The following CBY1 variants were observed in gnomAD, a reference collection of about 807,000 sequenced individuals.
CBY1 encodes protein chibby homolog 1.
A neutral mutation model predicts 15.6 loss-of-function variants in CBY1; 10 were observed. That is an observed-to-expected ratio of 0.64 (90% confidence interval 0.40 to 1.09). The LOEUF is 1.09. Ranked by LOEUF, CBY1 falls within the 50% of genes least tolerant of loss-of-function variation. The pLI, the probability that CBY1 is intolerant of heterozygous loss-of-function variation, is 0.01. For missense variants in CBY1, 150 were observed against 160.5 expected, an observed-to-expected ratio of 0.93 and a Z score of 0.35; for synonymous variants, 61 against 63.5, an observed-to-expected ratio of 0.96 and a Z score of 0.19.
rs115136398 is a variant in CBY1, at chr22:38,672,647, G to A, written c.304-512G>A. Among the ~76,000 whole-genome samples, 343 of 151,990 alleles carry A rather than the reference G, an allele frequency of 2.3e-3. 2 individuals are homozygous for A. Among genetic ancestry groups the A allele is most frequent in the African/African-American group, 8.2e-3 (338 of 41,456 alleles). On this transcript the variant is annotated intron_variant, in intron 4 of 4. Transcript: ENST00000216029. ...TTTTTTTTTAAAAATGAGCATAATC[G>A]TAGTATCTACCTCATAGTGAGTTAG...
chr22:38,666,279 TA>T (rs2145783490), intron 1 of CBY1, among the ~76,000 whole-genome samples: 1 of 148,884 alleles, frequency 6.7e-6, no homozygotes, highest in East Asian at 2.0e-4. Flanking sequence ...CGGGCCCTGC[TA>T]AGTTGCCCAG....
In CBY1 at chr22:38,671,176, C is replaced by G. The variant is rs1418370161; in HGVS notation, c.291C>G (p.Ile97Met). 6.2e-7 allele frequency: 1 copy of G among 1,611,874 alleles called. No homozygotes were observed. Residue 97 changes from isoleucine to methionine, a missense_variant, in exon 4 of 5, where the codon ATC becomes ATG. By Grantham distance (10) the Ile-to-Met change is conservative. Transcript: ENST00000216029. ...ATCTCTTGCGGCTGAAAGTGGACAT[C>G]TTATTAGACATGGTGAGGCAGGTGA... is the stretch of plus-strand genomic sequence containing the variant. ...ENNLLRLKVD[I>M]LLDMLSESTA...
chr22:38,673,077 T>A lies in CBY1; in HGVS notation c.304-82T>A, dbSNP rs542265933. On this transcript the variant is annotated intron_variant, in intron 4 of 4. Coordinates refer to ENST00000216029, the MANE Select transcript of CBY1 (RefSeq NM_015373.4). ...CAGAGAAGTGGCAGGGGGCCTTTCC[T>A]CCGTGTGTAGGGCCGGCCTTGCTAA... The A allele has an allele frequency of 1.1e-4, 100 of 920,896 alleles. No individual in the cohort carries two copies. In the South Asian group the frequency reaches 1.4e-3, roughly 12 times the overall value. 57.0% of individuals were successfully genotyped at this position (920,896 alleles called of 1,614,324 possible). A position where few individuals can be genotyped will look rare whatever the true frequency, so the allele number is the denominator to read the frequency against.
intron 1 of CBY1, among the ~76,000 whole-genome samples, chr22:38,662,092 A>G (rs1268348715): frequency 6.6e-6 from 1 of 152,180 alleles, no homozygotes; most frequent in African/African-American, 2.4e-5. Flanking sequence ...GCTTGAGCTC[A>G]GGAGTTCGTG....
In CBY1 at chr22:38,670,923, T is replaced by C; in HGVS notation, c.118T>C (p.Tyr40His). The change falls in exon 3 of 5, where the codon TAC becomes CAC. Residue 40 changes from tyrosine (Y) to histidine (H), a missense_variant. Transcript: ENST00000216029. ...STREVELGLE[Y>H]GSPTMNLAGQ... ...CCGGGAGGTGGAGCTGGGCTTGGAA[T>C]ACGGATCCCCGACTATGAACCTGGC... 6.2e-7 allele frequency: 1 copy of C among 1,614,220 alleles called. No homozygotes were observed. Among genetic ancestry groups the C allele is most frequent in the Non-Finnish European group, 8.5e-7 (1 of 1,180,040 alleles).
At chr22:38,670,671 A>AGCTTTT in intron 2 of CBY1, 1 of 511,986 alleles carries the variant, frequency 2.0e-6, no homozygotes, top group Non-Finnish European at 3.5e-6. Context: ...GCTTTTCTGG[A>AGCTTTT]AAACATCTAA....
chr22:38,662,664 G>GT (rs2145780226), intron 1 of CBY1, among the ~76,000 whole-genome samples: 2 of 152,066 alleles, frequency 1.3e-5, no homozygotes, highest in African/African-American at 4.8e-5. Context: ...CTAATTTTTT[G>GT]TATCTTTGGT....
At position 38,671,116 on chromosome 22, in the gene CBY1, T is replaced by C; in HGVS notation, c.231T>C (p.Leu77=). The C allele has an allele frequency of 6.2e-7, 1 of 1,614,242 alleles. No individual in the cohort carries two copies. The highest frequency in any genetic ancestry group is 1.6e-4 in the Middle Eastern group (1 of 6,062). ...GGVDRREVQR[L]RRRNQQLEEE... The stretch of plus-strand genomic sequence containing the variant: ...TGGACCGGAGGGAGGTTCAGCGCCT[T>C]CGCAGGCGGAACCAGCAGTTGGAGG... Residue 77 remains leucine (L), a synonymous_variant, in exon 4 of 5, where the codon CTT becomes CTC. Coordinates refer to ENST00000216029, the MANE Select transcript of CBY1 (RefSeq NM_015373.4).
At chr22:38,661,689 G>T (rs1296313928) in intron 1 of CBY1, among the ~76,000 whole-genome samples, 1 of 151,856 alleles carries the variant, frequency 6.6e-6, no homozygotes, top group Non-Finnish European at 1.5e-5. Flanking sequence ...GTTCTCATTG[G>T]ATACATATCT....
At chr22:38,670,657 T>C (rs1447389487) in intron 2 of CBY1, 3 of 487,224 alleles carry the variant, frequency 6.2e-6, no homozygotes, top group Non-Finnish European at 7.4e-6. Context: ...TTTCAGTATA[T>C]ATAGCTTTTC....
In CBY1 at chr22:38,664,173, A is replaced by T. The variant is rs575752191; in HGVS notation, c.-38-3844A>T. Among the ~76,000 whole-genome samples, 6 of 152,114 alleles carry T rather than the reference A, an allele frequency of 3.9e-5. No individual in the cohort carries two copies. In the East Asian group the frequency reaches 5.8e-4, roughly 15 times the overall value. On this transcript the variant is annotated intron_variant, in intron 1 of 4. Transcript: ENST00000216029. ...TGAACATGATAGACAGCTCAATTTT[A>T]AAAAATGGCAAAAGAGGGCTGGGCG...
chr22:38,673,013 C>T (rs1395042634), intron 4 of CBY1, 146 bp from the exon 5 acceptor site: 1 of 591,438 alleles, frequency 1.7e-6, no homozygotes, highest in Non-Finnish European at 3.1e-6. Context: ...GCATTCTACC[C>T]AGTTACAGAG....
At chr22:38,670,246 A>C (rs2092448573) in intron 2 of CBY1, 1 of 152,042 alleles carries the variant, frequency 6.6e-6, no homozygotes, top group Non-Finnish European at 1.5e-5. Context: ...AACCCCAAAA[A>C]TTAGCCGGGT....
Position 38,659,680 on chromosome 22 carries a change from G to A in CBY1, c.-39+2930G>A, listed in dbSNP as rs1000516635. On this transcript the variant is annotated intron_variant, in intron 1 of 4. Coordinates refer to ENST00000216029, the MANE Select transcript of CBY1 (RefSeq NM_015373.4). ...GATCGAGACCATCCTGGCTAACACGGTGAAACCCCATCTCTACTAAAAATA... is the reference window on the plus strand; with the variant it reads ...GATCGAGACCATCCTGGCTAACACGATGAAACCCCATCTCTACTAAAAATA... 3.3e-5 allele frequency among the ~76,000 whole-genome samples: 5 copies of A among 151,892 alleles called. No homozygotes were observed. In the East Asian group the frequency reaches 9.8e-4, roughly 30 times the overall value.
chr22:38,665,389 G>T (rs1388823447), intron 1 of CBY1, among the ~76,000 whole-genome samples: 1 of 152,148 alleles, frequency 6.6e-6, no homozygotes, highest in Admixed American at 6.6e-5. Context: ...ACCTGAGCCT[G>T]GGAGGTTGAG....
chr22:38,663,697 CAAAAAAAAAA>C (rs35974746), intron 1 of CBY1, among the ~76,000 whole-genome samples: 4 of 76,458 alleles, frequency 5.2e-5, no homozygotes, highest in South Asian at 4.5e-4. Context: ...ACTCTGTCTC[CAAAAAAAAAA>C]AAAAAAAAGG....
rs569413994 is a variant in CBY1, at chr22:38,665,970, A to T, written c.-38-2047A>T. On this transcript the variant is annotated intron_variant, in intron 1 of 4. Transcript: ENST00000216029. ...AGCAGGGCTCTGTCTCAAAAAAAAA[A>T]ATCATAAATAAAAAATAAAATTTAA... Among the ~76,000 whole-genome samples, 10 of 152,094 alleles carry T rather than the reference A, an allele frequency of 6.6e-5. No homozygotes were observed. The South Asian group carries it at 2.1e-3, about 32-fold the overall frequency.
Position 38,673,329 on chromosome 22 carries a change from A to G in CBY1, c.*93A>G, listed in dbSNP as rs2092458627. ...ATTCAGTCCTGGAAGAGAGTATCAT[A>G]TAATGAGACCCACAGGCACTGGCAC... is the stretch of plus-strand genomic sequence containing the variant. On this transcript the variant is annotated 3_prime_UTR_variant, in exon 5 of 5. Coordinates refer to ENST00000216029, the MANE Select transcript of CBY1 (RefSeq NM_015373.4). 1.3e-6 allele frequency: 1 copy of G among 790,640 alleles called. No homozygotes were observed. 49.0% of individuals were successfully genotyped at this position (790,640 alleles called of 1,614,324 possible).
At chr22:38,663,502 C>T (rs946773086) in intron 1 of CBY1, among the ~76,000 whole-genome samples, 10 of 151,556 alleles carry the variant, frequency 6.6e-5, no homozygotes, top group Non-Finnish European at 1.0e-4. Flanking sequence ...TCGAGACCAG[C>T]CTGACCAACA....
Sources: allele counts gnomAD v4.1 joint callset (sites outside exome capture counted in the v4.1 genomes callset), GRCh38; gene constraint gnomAD v4.1.1; transcripts MANE v1.5; gene names NCBI Gene and HGNC (gene_info 2026-07-23, HGNC 2026-07-21).